The following NUP98 variants were observed in gnomAD, a reference collection of about 807,000 sequenced individuals.
NUP98 encodes nuclear pore complex protein Nup98-Nup96.
Under a neutral mutation model 191.9 loss-of-function variants are expected in NUP98, and 26 were observed. The ratio of observed to expected loss-of-function variants is 0.14; its 90% CI spans 0.10 to 0.19. The LOEUF is 0.19. NUP98 is among the 10% of genes least tolerant of loss of function. The pLI is 1.00. For missense variants in NUP98, 1,941 were observed against 2,178.8 expected (o/e 0.89, Z 2.17); for synonymous variants, 808 against 778.4 (o/e 1.04, Z -0.63).
chr11:3,777,041 A>C (rs920383415), intron 4 of NUP98, among the ~76,000 whole-genome samples: 1 of 152,180 alleles, frequency 6.6e-6, no homozygotes, highest in Non-Finnish European at 1.5e-5. Context: ...GTCACAGTAC[A>C]TTTTATTTAC....
chr11:3,758,004 A>G (rs1033782482), intron 10 of NUP98, among the ~76,000 whole-genome samples: 15 of 151,880 alleles, frequency 9.9e-5, no homozygotes, highest in African/African-American at 3.6e-4. Flanking sequence ...TGAAAATCTC[A>G]GGGGAAGGGA....
At chr11:3,732,237 G>GACTC (rs1208315554) in intron 13 of NUP98, among the ~76,000 whole-genome samples, 1 of 152,074 alleles carries the variant, frequency 6.6e-6, no homozygotes, top group Non-Finnish European at 1.5e-5. Flanking sequence ...GACAGAGCGA[G>GACTC]ACTCTTTCCC....
At chr11:3,778,788 G>A in intron 4 of NUP98, 85 bp downstream of exon 4, 3 of 1,392,986 alleles carry the variant, frequency 2.2e-6, no homozygotes, top group Non-Finnish European at 3.0e-6. Context: ...GAAGGTAGAT[G>A]AACACAGAAA....
At chr11:3,717,527 T>G (rs767487730) in intron 18 of NUP98, among the ~76,000 whole-genome samples, 2 of 152,256 alleles carry the variant, frequency 1.3e-5, no homozygotes, top group Non-Finnish European at 2.9e-5. Context: ...TCCATGTTGA[T>G]TCTGTATCCT....
At chr11:3,676,470 A>T (rs771415328) in intron 32 of NUP98, 39 bp downstream of exon 32, 1 of 1,605,654 alleles carries the variant, frequency 6.2e-7, no homozygotes. Context: ...AAAAACAGGA[A>T]GCAAGAAGGC....
rs757318303 is a variant in NUP98, at chr11:3,731,348, T to C, written c.1730+43A>G. ...TATATTATTTCATATTTAGTTTATA[T>C]CAGTATTTTACACTTAATTTCTGTT... On this transcript the variant is annotated intron_variant, in intron 14 of 32. Coordinates refer to ENST00000324932, the MANE Select transcript of NUP98 (RefSeq NM_016320.5). 4.8e-6 allele frequency: 6 copies of C among 1,237,934 alleles called. No homozygotes were observed. In the South Asian group the frequency reaches 1.1e-4, roughly 23 times the overall value. 76.7% of individuals were successfully genotyped at this position (1,237,934 alleles called of 1,614,324 possible). A position where few individuals can be genotyped will look rare whatever the true frequency, so the allele number is the denominator to read the frequency against.
chr11:3,733,374 C>T (rs750819192), intron 13 of NUP98, among the ~76,000 whole-genome samples: 4 of 152,144 alleles, frequency 2.6e-5, no homozygotes, highest in East Asian at 1.9e-4. Flanking sequence ...TGCAATGGTG[C>T]GATCTCAGCT....
At chr11:3,729,404 A>G (rs2134267694) in intron 14 of NUP98, among the ~76,000 whole-genome samples, 1 of 151,892 alleles carries the variant, frequency 6.6e-6, no homozygotes, top group East Asian at 1.9e-4. Flanking sequence ...ACTGCGTAAA[A>G]TGCTTCTGTT....
In NUP98 at chr11:3,776,171, G is replaced by C. The variant is rs576898558; in HGVS notation, c.356-150C>G. 8.5e-6 allele frequency: 5 copies of C among 586,408 alleles called. No homozygotes were observed. In the South Asian group the frequency reaches 8.5e-5, roughly 10 times the overall value. 36.3% of individuals were successfully genotyped at this position (586,408 alleles called of 1,614,324 possible). On this transcript the variant is annotated intron_variant, in intron 4 of 32. Transcript: ENST00000324932. ...GGGTCTTGCTCTGTCTCCTAGGATG[G>C]AGTGCAGTGGTGCAATCACAGCTCA...
At chr11:3,742,168 G>A (rs764828648) in intron 12 of NUP98, among the ~76,000 whole-genome samples, 3 of 152,128 alleles carry the variant, frequency 2.0e-5, no homozygotes, top group Non-Finnish European at 4.4e-5. Flanking sequence ...GAAATGTTCT[G>A]ATACCATCCT....
intron 1 of NUP98, among the ~76,000 whole-genome samples, chr11:3,796,458 C>T (rs2082578539): frequency 6.6e-6 from 1 of 152,238 alleles, no homozygotes; most frequent in African/African-American, 2.4e-5. Flanking sequence ...CATAACAACG[C>T]TGACGTTCTT....
intron 22 of NUP98, 101 bp from the exon 23 acceptor site, chr11:3,702,993 G>GT: frequency 1.0e-6 from 1 of 1,000,314 alleles, no homozygotes; most frequent in Non-Finnish European, 1.5e-6. Flanking sequence ...ATCATTCAAT[G>GT]TTTAATCAAA....
At chr11:3,741,216 G>A (rs563452156) in intron 12 of NUP98, among the ~76,000 whole-genome samples, 1 of 151,984 alleles carries the variant, frequency 6.6e-6, no homozygotes, top group South Asian at 2.1e-4. Context: ...ACAGAAGAAC[G>A]CTAAAAAAAT....
At chr11:3,684,085 G>C (rs1000082069) in intron 29 of NUP98, among the ~76,000 whole-genome samples, 5 of 151,876 alleles carry the variant, frequency 3.3e-5, no homozygotes, top group African/African-American at 4.8e-5. Flanking sequence ...GGTGGCAGGC[G>C]TCTGTAATCC....
chr11:3,783,461 G>A (rs1283242798), intron 1 of NUP98, among the ~76,000 whole-genome samples: 3 of 152,124 alleles, frequency 2.0e-5, no homozygotes, highest in Non-Finnish European at 2.9e-5. Flanking sequence ...CACTTTGGGA[G>A]GCCAAGGCGG....
Position 3,702,899 on chromosome 11 carries a change from T to C in NUP98, c.3083-7A>G, listed in dbSNP as rs1359690950. ...GATTGTAGTAACCCACCAACTGAAA[T>C]GAAGCGGGAATGAAGGGGAGAAAGA... On this transcript the variant is annotated splice_region_variant and splice_polypyrimidine_tract_variant and intron_variant, in intron 22 of 32. Coordinates refer to ENST00000324932, the MANE Select transcript of NUP98 (RefSeq NM_016320.5). 6.3e-7 allele frequency: 1 copy of C among 1,596,464 alleles called. No homozygotes were observed. The highest frequency in any genetic ancestry group is 2.2e-5 in the East Asian group (1 of 44,656).
At chr11:3,751,919 T>C (rs1032168796) in intron 11 of NUP98, among the ~76,000 whole-genome samples, 1 of 152,062 alleles carries the variant, frequency 6.6e-6, no homozygotes, top group Non-Finnish European at 1.5e-5. Flanking sequence ...GGCTCATGTC[T>C]GTAATCCCAG....
chr11:3,689,665 T>G (rs1249371640), intron 28 of NUP98, among the ~76,000 whole-genome samples: 1 of 152,160 alleles, frequency 6.6e-6, no homozygotes, highest in East Asian at 1.9e-4. Flanking sequence ...AGACAGGGTC[T>G]CTCTCACTCC....
At chr11:3,693,451 A>AT in intron 26 of NUP98, 76 bp from the exon 27 acceptor site, 1 of 1,390,376 alleles carries the variant, frequency 7.2e-7, no homozygotes, top group Non-Finnish European at 1.0e-6. Context: ...ACTGAAGTGA[A>AT]TATTCACTTA....
Sources: gnomAD v4.1 joint callset for allele counts (sites outside exome capture counted in the v4.1 genomes callset) on GRCh38, gnomAD v4.1.1 for gene constraint, MANE v1.5 for transcripts, NCBI Gene and HGNC (gene_info 2026-07-23, HGNC 2026-07-21) for gene names.